CC2D2A: variants seen among roughly 807,000 people sequenced by gnomAD.
CC2D2A encodes coiled-coil and C2 domain-containing protein 2A.
Under a neutral mutation model 212.9 loss-of-function variants are expected in CC2D2A, and 155 were observed. The observed-to-expected ratio is 0.73, with a 90% confidence interval of 0.64 to 0.83. The LOEUF (loss-of-function observed/expected upper bound fraction) is 0.83, where lower values mean the gene tolerates loss of function less well. CC2D2A is among the 40% of genes least tolerant of loss of function. The pLI, the probability that CC2D2A is intolerant of heterozygous loss-of-function variation, is 0.00. For missense variants in CC2D2A, 1,856 were observed against 1,956.2 expected, an observed-to-expected ratio of 0.95 and a Z score of 0.97; for synonymous variants, 667 against 686.5, an observed-to-expected ratio of 0.97 and a Z score of 0.44.
Position 15,480,704 on chromosome 4 carries a change from C to T in CC2D2A, c.124C>T (p.Pro42Ser). The change falls in exon 4 of 37, where the codon CCA (proline) becomes TCA (serine). Residue 42 changes from proline (P) to serine (S), a missense_variant and splice_region_variant. Pro to Ser is a moderately conservative substitution (Grantham distance 74, BLOSUM62 -1). Around this residue, in one of 5 missense-constraint regions of CC2D2A, gnomAD observed 1,512 missense variants for 1,579.3 expected, o/e 0.96. Transcript: ENST00000424120. Reference protein sequence around the residue: ...KVRRQPRKKQPPTAVPKEMVS... With the variant: ...KVRRQPRKKQSPTAVPKEMVS... ...TGAACCTCTGACCTTCTTCCTCCAG[C>T]CACCAACTGCTGTCCCCAAGGAAAT... The T allele has an allele frequency of 6.2e-7, 1 of 1,608,984 alleles. No individual in the cohort carries two copies. The highest frequency in any genetic ancestry group is 1.1e-5 in the South Asian group (1 of 89,918).
rs753905430 is a variant in CC2D2A, at chr4:15,574,186, C to G, written c.3631C>G (p.Leu1211Val). Reference protein sequence around the residue: ...GTFKIDIPPVLLGYSKERNMI... With the variant: ...GTFKIDIPPVVLGYSKERNMI... ...ATTTAAAATAGATATTCCCCCAGTT[C>G]TTCTGGGCTACAGTAAGGAGCGAAA... The change falls in exon 29 of 37, where the codon CTT becomes GTT. Residue 1211 changes from leucine (L) to valine (V), a missense_variant. By Grantham distance (32) the Leu-to-Val change is conservative. Coordinates refer to ENST00000424120, the MANE Select transcript of CC2D2A (RefSeq NM_001378615.1). 7 of 1,550,004 alleles carry G rather than the reference C, an allele frequency of 4.5e-6. No individual in the cohort carries two copies. The Admixed American group carries it at 9.9e-5, about 22-fold the overall frequency.
chr4:15,564,815 C>T (rs555150498), intron 24 of CC2D2A, among the ~76,000 whole-genome samples: 12 of 152,032 alleles, frequency 7.9e-5, no homozygotes, highest in Non-Finnish European at 1.5e-4. Flanking sequence ...CTAGTTGGGA[C>T]TACAGGTGTG....
At chr4:15,597,017 A>T (rs1163429113) in intron 34 of CC2D2A, among the ~76,000 whole-genome samples, 3 of 151,988 alleles carry the variant, frequency 2.0e-5, no homozygotes, top group Non-Finnish European at 4.4e-5. Flanking sequence ...AAACAATAAA[A>T]TGTTGTTTAG....
chr4:15,588,057 C>T, intron 32 of CC2D2A, 128 bp downstream of exon 32: 2 of 562,028 alleles, frequency 3.6e-6, no homozygotes, highest in East Asian at 2.9e-5. Flanking sequence ...CCCACAGATG[C>T]CGTAACGGGC....
chr4:15,531,384 A>G (rs1047940909), intron 13 of CC2D2A, among the ~76,000 whole-genome samples: 2 of 152,140 alleles, frequency 1.3e-5, no homozygotes, highest in South Asian at 2.1e-4. Context: ...TGTCCTTCTC[A>G]TCATTCTTTG....
intron 11 of CC2D2A, among the ~76,000 whole-genome samples, chr4:15,525,204 C>A (rs1717440422): frequency 6.6e-6 from 1 of 152,166 alleles, no homozygotes; most frequent in Non-Finnish European, 1.5e-5. Context: ...GTAAATAGAA[C>A]CACTCTACCC....
rs750873930 is a variant in CC2D2A at position 15,533,285 on chromosome 4, G to A, written c.1559G>A (p.Arg520Gln). ...IKVWKEMKSL[R>Q]EFQRFTNTPL... ...GTTTGGAAAGAGATGAAATCCCTTC[G>A]AGAGTTCCAGAGATTTACAAATACT... is the stretch of plus-strand genomic sequence containing the variant. Residue 520 changes from arginine (R) to glutamine (Q), a missense_variant, in exon 14 of 37, where the codon CGA (arginine) becomes CAA (glutamine). Coordinates refer to ENST00000424120, the MANE Select transcript of CC2D2A (RefSeq NM_001378615.1). 9 of 1,591,844 alleles carry A rather than the reference G, an allele frequency of 5.7e-6. No individual in the cohort carries two copies. The highest frequency in any genetic ancestry group is 4.6e-5 in the South Asian group (4 of 86,324).
intron 13 of CC2D2A, among the ~76,000 whole-genome samples, chr4:15,532,961 T>C (rs1369334012): frequency 1.3e-5 from 2 of 152,224 alleles, no homozygotes; most frequent in Non-Finnish European, 2.9e-5. Context: ...TTAATACAAA[T>C]TTTTTAAGTA....
intron 5 of CC2D2A, 133 bp downstream of exon 5, chr4:15,502,650 A>G: frequency 2.0e-6 from 2 of 1,019,450 alleles, no homozygotes; most frequent in East Asian, 2.6e-5. Context: ...TTAAATGTTA[A>G]TGTCTTATTT....
chr4:15,502,874 G>A lies in CC2D2A; in HGVS notation c.389G>A (p.Arg130His), dbSNP rs778519147. The A allele has an allele frequency of 4.3e-5, 69 of 1,611,774 alleles. No individual in the cohort carries two copies. Among genetic ancestry groups the A allele is most frequent in the Middle Eastern group, 1.6e-4 (1 of 6,078 alleles). ...LQEIPTPRPR[R>H]LRSPSKKELE... is the part of the protein sequence containing the mutation. ...GAAATCCCCACTCCTCGGCCCAGAC[G>A]CTTACGAAGTCCCAGTAAGAAAGAA... The change falls in exon 6 of 37, where the codon CGC becomes CAC. Residue 130 changes from arginine to histidine, a missense_variant. This residue lies in a region of CC2D2A where 1,512 missense variants were observed against 1,579.3 expected (regional missense o/e 0.96). Coordinates refer to ENST00000424120, the MANE Select transcript of CC2D2A (RefSeq NM_001378615.1).
At chr4:15,516,845 C>A in intron 11 of CC2D2A, 89 bp downstream of exon 11, 3 of 1,276,994 alleles carry the variant, frequency 2.3e-6, no homozygotes, top group Non-Finnish European at 2.1e-6. Context: ...TTATAACATT[C>A]TACTTTAATT....
intron 17 of CC2D2A, among the ~76,000 whole-genome samples, chr4:15,544,642 A>G (rs1718618585): frequency 6.6e-6 from 1 of 151,994 alleles, no homozygotes; most frequent in Admixed American, 6.6e-5. Context: ...TGTGAAACAC[A>G]CTCCCACTAT....
chr4:15,565,703 G>A (rs1322432122), intron 24 of CC2D2A, among the ~76,000 whole-genome samples: 1 of 152,070 alleles, frequency 6.6e-6, no homozygotes, highest in Non-Finnish European at 1.5e-5. Flanking sequence ...GGAAATCCTG[G>A]GCTCAAGAGA....
intron 11 of CC2D2A, chr4:15,519,850 G>A (rs1234038830): frequency 7.1e-6 from 2 of 283,570 alleles, no homozygotes; most frequent in Non-Finnish European, 1.4e-5. Context: ...GGGAATTGTG[G>A]GAGTTACAAT....
chr4:15,472,631 C>T (rs972451924), intron 1 of CC2D2A, among the ~76,000 whole-genome samples: 17 of 135,510 alleles, frequency 1.3e-4, no homozygotes, highest in Non-Finnish European at 4.6e-5. Context: ...TTTTTAGTTA[C>T]TAAAATGTTT....
chr4:15,503,376 A>T (rs1224788884), intron 6 of CC2D2A, among the ~76,000 whole-genome samples: 1 of 152,210 alleles, frequency 6.6e-6, no homozygotes, highest in Non-Finnish European at 1.5e-5. Context: ...CCTTTGTCCC[A>T]TGTTATCACA....
intron 24 of CC2D2A, chr4:15,563,768 G>T: frequency 2.1e-6 from 1 of 485,210 alleles, no homozygotes; most frequent in Non-Finnish European, 3.7e-6. Flanking sequence ...TGAATTACAA[G>T]GGAGACTGCA....
chr4:15,522,109 G>A (rs1717237540), intron 11 of CC2D2A, among the ~76,000 whole-genome samples: 1 of 152,206 alleles, frequency 6.6e-6, no homozygotes, highest in African/African-American at 2.4e-5. Context: ...GCTGAAGCAG[G>A]AGGATCACTT....
intron 17 of CC2D2A, among the ~76,000 whole-genome samples, chr4:15,548,535 A>C (rs1718826142): frequency 6.6e-6 from 1 of 151,806 alleles, no homozygotes; most frequent in South Asian, 2.1e-4. Context: ...CTACAAAAGG[A>C]TGTCTCAATA....
Sources: allele counts gnomAD v4.1 joint callset (sites outside exome capture counted in the v4.1 genomes callset), GRCh38; gene constraint gnomAD v4.1.1; regional missense constraint gnomAD v4.1.1; transcripts MANE v1.5; gene names NCBI Gene and HGNC (gene_info 2026-07-23, HGNC 2026-07-21).